TYR: variants seen among roughly 807,000 people sequenced by gnomAD.
TYR encodes the protein LB24-AB.
TYR carries 58 observed loss-of-function variants against 51.5 expected under a neutral mutation model. The ratio of observed to expected loss-of-function variants is 1.13; its 90% CI spans 0.91 to 1.40. TYR has a LOEUF of 1.40. Ranked by LOEUF, TYR falls within the 40% of genes most tolerant of loss-of-function variation. The pLI is 0.00. For missense variants in TYR, 732 were observed against 647.4 expected (o/e 1.13, Z -1.42); for synonymous variants, 263 against 235.2 (o/e 1.12, Z -1.08).
intron 3 of TYR, among the ~76,000 whole-genome samples, chr11:89,266,186 T>C (rs1565417821): frequency 6.6e-6 from 1 of 152,022 alleles, no homozygotes; most frequent in Non-Finnish European, 1.5e-5. Flanking sequence ...TAACACATCA[T>C]GCTTTTTCTT....
At chr11:89,215,398 G>C (rs949912627) in intron 2 of TYR, among the ~76,000 whole-genome samples, 2 of 151,928 alleles carry the variant, frequency 1.3e-5, no homozygotes, top group African/African-American at 4.8e-5. Flanking sequence ...GAGGGATAGT[G>C]TTAGGAGAAA....
chr11:89,212,848 A>G (rs1402120591), intron 2 of TYR, among the ~76,000 whole-genome samples: 1 of 152,234 alleles, frequency 6.6e-6, no homozygotes, highest in African/African-American at 2.4e-5. Flanking sequence ...CCACTTGATT[A>G]TCTCCATAGA....
At chr11:89,216,138 G>C (rs901811049) in intron 2 of TYR, among the ~76,000 whole-genome samples, 2 of 152,048 alleles carry the variant, frequency 1.3e-5, no homozygotes, top group Non-Finnish European at 2.9e-5. Flanking sequence ...TTATGAACCT[G>C]GTGAAAGCTT....
rs190997434 is a variant in TYR, at chr11:89,242,400, C to T, written c.1184+14430C>T. ...TTTGGGCATTTTTTTTTAGTAGAGGCAGGGTTTCACCATTTGGCTAGGCTG... is the reference window on the plus strand; with the variant it reads ...TTTGGGCATTTTTTTTTAGTAGAGGTAGGGTTTCACCATTTGGCTAGGCTG... On this transcript the variant is annotated intron_variant, in intron 3 of 4. Transcript: ENST00000263321. Among the ~76,000 whole-genome samples the T allele has an allele frequency of 1.1e-3, 163 of 151,962 alleles. 1 individual carries two copies. Among genetic ancestry groups the T allele is most frequent in the African/African-American group, 3.8e-3 (159 of 41,444 alleles).
intron 2 of TYR, among the ~76,000 whole-genome samples, chr11:89,197,230 G>T (rs1943532014): frequency 6.6e-6 from 1 of 152,050 alleles, no homozygotes; most frequent in Non-Finnish European, 1.5e-5. Context: ...TTTGTAGTGG[G>T]AAATAACAAG....
intron 2 of TYR, chr11:89,192,064 C>G: frequency 2.2e-6 from 1 of 445,260 alleles, no homozygotes; most frequent in Non-Finnish European, 4.5e-6. Context: ...AATAAGGACA[C>G]AGCACATAGG....
chr11:89,177,975 T>C lies in TYR; in HGVS notation c.22T>C (p.Cys8Arg), dbSNP rs773534481. The change falls in exon 1 of 5, where the codon TGC becomes CGC. Residue 8 changes from cysteine (C) to arginine (R), a missense_variant. Physicochemically the swap from Cys to Arg is radical, Grantham distance 180. Coordinates refer to ENST00000263321, the MANE Select transcript of TYR (RefSeq NM_000372.5). ...AAGAATGCTCCTGGCTGTTTTGTAC[T>C]GCCTGCTGTGGAGTTTCCAGACCTC... Reference protein sequence around the residue: MLLAVLYCLLWSFQTSAG... With the variant: MLLAVLYRLLWSFQTSAG... 4 of 1,614,220 alleles carry C rather than the reference T, an allele frequency of 2.5e-6. No homozygotes were observed. The East Asian group carries it at 6.7e-5, about 27-fold the overall frequency.
intron 1 of TYR, among the ~76,000 whole-genome samples, chr11:89,179,269 G>A (rs1029554686): frequency 9.2e-5 from 14 of 152,206 alleles, no homozygotes; most frequent in South Asian, 6.2e-4. Flanking sequence ...AGAGAGTCCC[G>A]AGAAGGCACA....
intron 1 of TYR, among the ~76,000 whole-genome samples, chr11:89,186,653 C>T (rs1318894331): frequency 1.3e-5 from 2 of 152,172 alleles, no homozygotes; most frequent in Non-Finnish European, 2.9e-5. Flanking sequence ...TCTACCGAGG[C>T]TGGCTGCACC....
At chr11:89,179,261 A>G (rs1943270024) in intron 1 of TYR, among the ~76,000 whole-genome samples, 1 of 152,204 alleles carries the variant, frequency 6.6e-6, no homozygotes, top group Non-Finnish European at 1.5e-5. Flanking sequence ...TCTTCAGGAG[A>G]GAGTCCCGAG....
At chr11:89,247,473 A>G (rs928762319) in intron 3 of TYR, among the ~76,000 whole-genome samples, 5 of 152,206 alleles carry the variant, frequency 3.3e-5, no homozygotes, top group African/African-American at 1.2e-4. Flanking sequence ...CTAACAACCT[A>G]AAGAATGTTC....
chr11:89,257,481 C>G (rs1349540542), intron 3 of TYR, among the ~76,000 whole-genome samples: 1 of 150,528 alleles, frequency 6.6e-6, no homozygotes, highest in East Asian at 1.9e-4. Context: ...GTTATATAAA[C>G]TTCAAATTTT....
rs767003400 is a variant in TYR at position 89,178,172 on chromosome 11, GGT to G, written c.221_222del (p.Val74GlyfsTer2). The G allele has an allele frequency of 3.7e-6, 6 of 1,614,048 alleles. No homozygotes were observed. The Admixed American group carries it at 6.7e-5, about 18-fold the overall frequency. On this transcript the variant is annotated frameshift_variant, in exon 1 of 5. Transcript: ENST00000263321. LOFTEE classifies it high-confidence loss of function. ...TTGGGCCTCAATTTCCCTTCACAGG[GGT>G]GGATGACCGGGAGTCGTGGCCTTCC... ...PLGPQFPFTG[V>X]DDRESWPSVF...
intron 3 of TYR, among the ~76,000 whole-genome samples, chr11:89,239,403 G>T (rs1944162615): frequency 6.6e-6 from 1 of 151,914 alleles, no homozygotes; most frequent in South Asian, 2.1e-4. Flanking sequence ...TGTGGTATCT[G>T]TTGTAATGTC....
intron 3 of TYR, among the ~76,000 whole-genome samples, chr11:89,261,622 T>C (rs1294656175): frequency 1.3e-5 from 2 of 152,156 alleles, no homozygotes; most frequent in Non-Finnish European, 2.9e-5. Context: ...AGAGACTTTT[T>C]AATACCCCAC....
intron 3 of TYR, among the ~76,000 whole-genome samples, chr11:89,248,314 TATG>T (rs1459796146): frequency 6.6e-6 from 1 of 152,106 alleles, no homozygotes; most frequent in Non-Finnish European, 1.5e-5. Flanking sequence ...AGTTAAGCAC[TATG>T]ATGTGATATA....
intron 4 of TYR, among the ~76,000 whole-genome samples, chr11:89,285,655 T>G (rs1484097180): frequency 2.0e-5 from 3 of 151,762 alleles, no homozygotes; most frequent in African/African-American, 7.2e-5. Context: ...TACATGCATA[T>G]TCTTTACATG....
intron 3 of TYR, among the ~76,000 whole-genome samples, chr11:89,247,321 G>A (rs1441426508): frequency 1.3e-5 from 2 of 152,122 alleles, no homozygotes; most frequent in African/African-American, 2.4e-5. Context: ...ATACTTATTA[G>A]ACTAAGTTGT....
chr11:89,221,591 C>A (rs1565402810), intron 2 of TYR, among the ~76,000 whole-genome samples: 1 of 152,176 alleles, frequency 6.6e-6, no homozygotes, highest in Non-Finnish European at 1.5e-5. Context: ...ATTCAGCCAT[C>A]AAATACAGCC....
Sources: gnomAD v4.1 joint callset for allele counts (sites outside exome capture counted in the v4.1 genomes callset) on GRCh38, gnomAD v4.1.1 for gene constraint, MANE v1.5 for transcripts, NCBI Gene and HGNC (gene_info 2026-07-23, HGNC 2026-07-21) for gene names.